Variants in CSMD1 observed in about 807,000 individuals in gnomAD.
The protein encoded by CSMD1 is CUB and sushi domain-containing protein 1.
In CSMD1, 213 loss-of-function variants were observed where a neutral mutation model predicts 417.5. The observed-to-expected ratio is 0.51, with a 90% CI of 0.46 to 0.57. CSMD1 has a LOEUF of 0.57. Ranked by LOEUF, CSMD1 falls within the 20% of genes least tolerant of loss-of-function variation. CSMD1 has a pLI of 0.00. For missense variants in CSMD1, 6,923 were observed against 4,529.7 expected (o/e 1.53, Z -15.17); for synonymous variants, 2,862 against 1,736.8 (o/e 1.65, Z -16.11).
At chr8:4,663,369 T>C (rs1804724891) in intron 1 of CSMD1, among the ~76,000 whole-genome samples, 1 of 152,176 alleles carries the variant, frequency 6.6e-6, no homozygotes, top group Non-Finnish European at 1.5e-5. Context: ...ATTTCTTTCC[T>C]CTAAGGGACT....
At chr8:3,162,723 A>G (rs1308737834) in intron 37 of CSMD1, among the ~76,000 whole-genome samples, 1 of 152,032 alleles carries the variant, frequency 6.6e-6, no homozygotes, top group Non-Finnish European at 1.5e-5. Flanking sequence ...TCTACAAAAA[A>G]AAAAAAGAGA....
chr8:3,813,174 A>G (rs1000179613), intron 5 of CSMD1, among the ~76,000 whole-genome samples: 5 of 151,802 alleles, frequency 3.3e-5, no homozygotes, highest in South Asian at 2.1e-4. Flanking sequence ...TTTCAAAGAA[A>G]TTCATGACAT....
chr8:3,866,678 G>T (rs1389056440), intron 5 of CSMD1, among the ~76,000 whole-genome samples: 1 of 129,148 alleles, frequency 7.7e-6, no homozygotes, highest in African/African-American at 2.6e-5. Context: ...GATTTCTATA[G>T]ATACAGCTGT....
intron 19 of CSMD1, among the ~76,000 whole-genome samples, chr8:3,368,746 T>C (rs1049606402): frequency 8.5e-5 from 13 of 152,310 alleles, no homozygotes; most frequent in Non-Finnish European, 1.6e-4. Context: ...ATGCAAAATA[T>C]CCTGATCTTC....
At chr8:3,999,862 G>C (rs888099235) in intron 4 of CSMD1, among the ~76,000 whole-genome samples, 3 of 152,136 alleles carry the variant, frequency 2.0e-5, no homozygotes, top group African/African-American at 7.2e-5. Flanking sequence ...CAAAGCACGT[G>C]ACGTTGTGGA....
At chr8:2,995,018 G>C (rs1055925810) in intron 54 of CSMD1, among the ~76,000 whole-genome samples, 1 of 152,120 alleles carries the variant, frequency 6.6e-6, no homozygotes, top group African/African-American at 2.4e-5. Flanking sequence ...TCTTAGACTT[G>C]ACATCAATAC....
At chr8:3,377,969 G>A (rs142204794) in intron 18 of CSMD1, among the ~76,000 whole-genome samples, 36 of 152,296 alleles carry the variant, frequency 2.4e-4, no homozygotes, top group African/African-American at 7.9e-4. Flanking sequence ...AGAAAAGTCA[G>A]TGCCGTCATG....
chr8:3,813,297 C>T (rs1466431875), intron 5 of CSMD1, among the ~76,000 whole-genome samples: 1 of 151,918 alleles, frequency 6.6e-6, no homozygotes, highest in African/African-American at 2.4e-5. Context: ...ATTGTATAAC[C>T]TTTAATATCT....
At chr8:3,769,207 T>C (rs1432308557) in intron 5 of CSMD1, among the ~76,000 whole-genome samples, 1 of 152,224 alleles carries the variant, frequency 6.6e-6, no homozygotes, top group African/African-American at 2.4e-5. Flanking sequence ...CACAGACATG[T>C]TGGTGACACC....
At chr8:3,251,206 T>G (rs546813353) in intron 26 of CSMD1, among the ~76,000 whole-genome samples, 20 of 152,156 alleles carry the variant, frequency 1.3e-4, no homozygotes, top group African/African-American at 4.1e-4. Context: ...GGTCTAACAT[T>G]TAAGTCTTTA....
intron 3 of CSMD1, among the ~76,000 whole-genome samples, chr8:4,085,587 C>A (rs933882764): frequency 2.0e-5 from 3 of 152,202 alleles, no homozygotes; most frequent in East Asian, 3.9e-4. Flanking sequence ...AAGAAACTAT[C>A]GACGCTTGCA....
At chr8:3,397,093 C>T (rs1811750799) in intron 16 of CSMD1, among the ~76,000 whole-genome samples, 1 of 151,998 alleles carries the variant, frequency 6.6e-6, no homozygotes, top group African/African-American at 2.4e-5. Context: ...CACTTGGCTC[C>T]CCTGTGATGC....
At chr8:3,462,965 C>A (rs945348618) in intron 12 of CSMD1, among the ~76,000 whole-genome samples, 1 of 152,186 alleles carries the variant, frequency 6.6e-6, no homozygotes, top group Non-Finnish European at 1.5e-5. Context: ...TGAAGGATGT[C>A]CAGGCTTGTG....
intron 3 of CSMD1, among the ~76,000 whole-genome samples, chr8:4,336,990 C>G (rs983813139): frequency 1.3e-5 from 2 of 152,004 alleles, no homozygotes; most frequent in African/African-American, 2.4e-5. Flanking sequence ...GTTTTCTTCC[C>G]AGAATGGCTG....
At chr8:4,035,517 T>C (rs62502691) in intron 3 of CSMD1, among the ~76,000 whole-genome samples, 66,610 of 151,878 alleles carry the variant, frequency 0.44, 15,071 homozygotes, top group East Asian at 0.64. Flanking sequence ...GAAGACCTTC[T>C]GGTGGGACAA....
chr8:3,101,872 G>C (rs910540813), intron 46 of CSMD1, among the ~76,000 whole-genome samples: 2 of 140,860 alleles, frequency 1.4e-5, no homozygotes, highest in Non-Finnish European at 3.0e-5. Flanking sequence ...CGTGATCTCA[G>C]CTCACTGCAA....
chr8:2,991,569 G>A lies in CSMD1; in HGVS notation c.8377+6442C>T, dbSNP rs537800983. On this transcript the variant is annotated intron_variant, in intron 54 of 69. Coordinates refer to ENST00000635120, the MANE Select transcript of CSMD1 (RefSeq NM_033225.6). ...AATTTGAATTTTTTTAACAACAGAC[G>A]TGGTTCAAAATTGCCATTTCCTTAT... Among the ~76,000 whole-genome samples, 13 of 152,210 alleles carry A rather than the reference G, an allele frequency of 8.5e-5. No individual in the cohort carries two copies. The South Asian group carries it at 1.0e-3, about 12-fold the overall frequency.
intron 3 of CSMD1, among the ~76,000 whole-genome samples, chr8:4,154,758 A>T (rs1796744387): frequency 6.6e-6 from 1 of 152,084 alleles, no homozygotes; most frequent in Non-Finnish European, 1.5e-5. Flanking sequence ...ATATCCCCGT[A>T]AGATATGAAT....
intron 23 of CSMD1, among the ~76,000 whole-genome samples, chr8:3,319,854 T>C (rs547375821): frequency 1.3e-5 from 2 of 152,052 alleles, no homozygotes; most frequent in Admixed American, 1.3e-4. Context: ...GTAATGCTTA[T>C]ATTTATATTT....
Sources: allele counts gnomAD v4.1 joint callset (sites outside exome capture counted in the v4.1 genomes callset), GRCh38; gene constraint gnomAD v4.1.1; transcripts MANE v1.5; gene names NCBI Gene and HGNC (gene_info 2026-07-23, HGNC 2026-07-21).